The following LVRN variants were observed in gnomAD, a reference collection of about 807,000 sequenced individuals.
LVRN encodes the protein aminopeptidase Q.
Under a neutral mutation model 111.4 loss-of-function variants are expected in LVRN, and 99 were observed. The ratio of observed to expected loss-of-function variants is 0.89; its 90% CI spans 0.76 to 1.05. The LOEUF is 1.05. Ranked by LOEUF, LVRN falls within the 50% of genes least tolerant of loss-of-function variation. The probability of loss-of-function intolerance (pLI) is 0.00; values close to 1 mark genes in which losing one functional copy is unlikely to be tolerated. For missense variants in LVRN, 1,414 were observed against 1,206.8 expected, an observed-to-expected ratio of 1.17 and a Z score of -2.54; for synonymous variants, 488 against 449.5, an observed-to-expected ratio of 1.09 and a Z score of -1.08.
chr5:115,974,272 G>A (rs1753389091), intron 1 of LVRN, among the ~76,000 whole-genome samples: 1 of 152,074 alleles, frequency 6.6e-6, no homozygotes, highest in Non-Finnish European at 1.5e-5. Context: ...TTACCAAGTT[G>A]TTCATAGGAG....
At chr5:116,010,452 C>T (rs1011257323) in intron 13 of LVRN, 4 of 461,500 alleles carry the variant, frequency 8.7e-6, no homozygotes, top group Non-Finnish European at 1.7e-5. Flanking sequence ...AGAATGCATA[C>T]AGAATGCATA....
intron 11 of LVRN, 77 bp downstream of exon 11, chr5:116,002,988 C>A: frequency 8.0e-7 from 1 of 1,249,900 alleles, no homozygotes; most frequent in Non-Finnish European, 1.1e-6. Flanking sequence ...AAAAGTCTAG[C>A]TTTTGAAAAG....
intron 1 of LVRN, among the ~76,000 whole-genome samples, chr5:115,966,118 C>G (rs1229647694): frequency 1.3e-5 from 2 of 152,104 alleles, no homozygotes; most frequent in Admixed American, 1.3e-4. Context: ...GTCTTTGTGT[C>G]ATTTATCATA....
At chr5:115,999,618 G>T in intron 6 of LVRN, 144 bp from the exon 7 acceptor site, 1 of 770,178 alleles carries the variant, frequency 1.3e-6, no homozygotes, top group Non-Finnish European at 2.1e-6. Flanking sequence ...GACTTTATTT[G>T]GCATATTTCA....
rs370357303 is a variant in LVRN, at chr5:115,979,515, C to T, written c.696-3772C>T. Among the ~76,000 whole-genome samples the T allele has an allele frequency of 1.3e-3, 203 of 152,292 alleles. 2 individuals are homozygous for T. Among genetic ancestry groups the T allele is most frequent in the African/African-American group, 4.7e-3 (196 of 41,574 alleles). On this transcript the variant is annotated intron_variant, in intron 1 of 19. Coordinates refer to ENST00000357872, the MANE Select transcript of LVRN (RefSeq NM_173800.5). The stretch of plus-strand genomic sequence containing the variant: ...TCTCTGACCCTTCTTCTGGGGCCCT[C>T]ATGTAGCTGAGAAGCCCAACAGGCA...
chr5:116,001,293 C>T, intron 10 of LVRN, 54 bp downstream of exon 10: 2 of 1,578,114 alleles, frequency 1.3e-6, no homozygotes, highest in Non-Finnish European at 1.7e-6. Flanking sequence ...GAGCTCTGAC[C>T]CAATGGAATC....
Position 115,962,794 on chromosome 5 carries a change from C to T in LVRN, c.177C>T (p.Ser59=), listed in dbSNP as rs767709085. The change falls in exon 1 of 20, where the codon TCC becomes TCT. Residue 59 remains serine (S), a synonymous_variant. Transcript: ENST00000357872. ...PGLRDLEAES[S]PPLRQKPTPT... ...TCAGGGACTTGGAAGCCGAGTCTTC[C>T]CCTCCCCTCAGGCAGAAGCCGACGC... 2 of 1,611,008 alleles carry T rather than the reference C, an allele frequency of 1.2e-6. No individual in the cohort carries two copies. The highest frequency in any genetic ancestry group is 1.7e-6 in the Non-Finnish European group (2 of 1,178,538).
chr5:116,000,723 GA>G, intron 9 of LVRN, 65 bp downstream of exon 9: 1 of 1,541,116 alleles, frequency 6.5e-7, no homozygotes, highest in Admixed American at 1.8e-5. Context: ...AAAAGACTGG[GA>G]GGCCATGGGT....
At chr5:115,971,409 C>G (rs1166681354) in intron 1 of LVRN, among the ~76,000 whole-genome samples, 1 of 152,086 alleles carries the variant, frequency 6.6e-6, no homozygotes, top group Admixed American at 6.5e-5. Context: ...CATTGTCTAT[C>G]CTAAGCTCAT....
Position 116,026,149 on chromosome 5 carries a change from A to G in LVRN, c.*31A>G. Reference sequence around the variant, plus strand: ...GGCTATCTTTCAGCACTCCTCTTGCATATTATAATGTAGTTTGTTCACAGT... The same window carrying G: ...GGCTATCTTTCAGCACTCCTCTTGCGTATTATAATGTAGTTTGTTCACAGT... On this transcript the variant is annotated 3_prime_UTR_variant, in exon 20 of 20. Transcript: ENST00000357872. 12 of 1,612,762 alleles carry G rather than the reference A, an allele frequency of 7.4e-6. No homozygotes were observed. The highest frequency in any genetic ancestry group is 1.1e-5 in the South Asian group (1 of 90,924).
chr5:116,010,562 C>A, intron 13 of LVRN, 179 bp from the exon 14 acceptor site: 1 of 682,764 alleles, frequency 1.5e-6, no homozygotes. Flanking sequence ...AATGGAAGGA[C>A]TGTCAACTTT....
In LVRN at chr5:116,026,436, C is replaced by T. The variant is rs1335241519; in HGVS notation, c.*318C>T. ...GTCTTGCTTATTTTGTTGCGAAGGC[C>T]AGTGGAATATAAAAATCAATGGCAT... On this transcript the variant is annotated 3_prime_UTR_variant, in exon 20 of 20. Coordinates refer to ENST00000357872, the MANE Select transcript of LVRN (RefSeq NM_173800.5). 8.5e-6 allele frequency: 3 copies of T among 351,742 alleles called. No homozygotes were observed. The highest frequency in any genetic ancestry group is 6.4e-5 in the African/African-American group (3 of 46,770). The allele number at this position is 351,742 out of a possible 1,614,324, so 21.8% of individuals were successfully genotyped here.
At chr5:115,998,004 T>C (rs547368833) in intron 6 of LVRN, among the ~76,000 whole-genome samples, 52 of 152,290 alleles carry the variant, frequency 3.4e-4, no homozygotes, top group African/African-American at 1.3e-3. Flanking sequence ...AAAGACAATC[T>C]GTTCTGATAG....
chr5:116,013,966 T>C (rs1748543753), intron 15 of LVRN, among the ~76,000 whole-genome samples: 1 of 152,134 alleles, frequency 6.6e-6, no homozygotes, highest in Non-Finnish European at 1.5e-5. Context: ...AGAAAACAAA[T>C]TGTAGAAGGA....
Position 115,963,040 on chromosome 5 carries a change from C to T in LVRN, c.423C>T (p.Thr141=), listed in dbSNP as rs149778258. 23 of 1,613,552 alleles carry T rather than the reference C, an allele frequency of 1.4e-5. No homozygotes were observed. The Admixed American group carries it at 2.0e-4, about 14-fold the overall frequency. ...TCACGGTGCGCTGCACGGTGGCCACCTCTCGACTGCTGCTGCATAGCCTCT... is the reference window on the plus strand; with the variant it reads ...TCACGGTGCGCTGCACGGTGGCCACTTCTCGACTGCTGCTGCATAGCCTCT... ...VNITVRCTVA[T]SRLLLHSLFQ... Residue 141 remains threonine, a synonymous_variant, in exon 1 of 20, where the codon ACC becomes ACT. Transcript: ENST00000357872.
intron 6 of LVRN, among the ~76,000 whole-genome samples, chr5:115,994,663 T>C (rs1021591056): frequency 6.6e-6 from 1 of 152,158 alleles, no homozygotes; most frequent in African/African-American, 2.4e-5. Context: ...TTATTGCTGA[T>C]ATTGTTTTGC....
intron 4 of LVRN, among the ~76,000 whole-genome samples, chr5:115,988,289 T>G (rs1461331766): frequency 3.9e-5 from 6 of 152,096 alleles, no homozygotes; most frequent in African/African-American, 1.4e-4. Flanking sequence ...TGGATCACTT[T>G]AGCTAGCGGG....
At chr5:115,993,148 T>C (rs758123407) in intron 5 of LVRN, among the ~76,000 whole-genome samples, 9 of 152,066 alleles carry the variant, frequency 5.9e-5, no homozygotes, top group Non-Finnish European at 1.0e-4. Flanking sequence ...GTTTGTTAGT[T>C]TGGAAATCAT....
In LVRN at chr5:116,026,036, A is replaced by C; in HGVS notation, c.2891A>C (p.Asn964Thr). Residue 964 changes from asparagine to threonine, a missense_variant, in exon 20 of 20, where the codon AAC becomes ACC. By Grantham distance (65) the Asn-to-Thr change is moderately conservative. Transcript: ENST00000357872. ...CACCAGAGGATCAGAGTTCATGCCA[A>C]CTTACAGACAATAAAGAATGAAAAT... The part of the protein sequence containing the change: ...EEHQRIRVHA[N>T]LQTIKNENLK... 6.2e-7 allele frequency: 1 copy of C among 1,613,942 alleles called. No homozygotes were observed. The highest frequency in any genetic ancestry group is 8.5e-7 in the Non-Finnish European group (1 of 1,179,884).
Sources: gnomAD v4.1 joint callset for allele counts (sites outside exome capture counted in the v4.1 genomes callset) on GRCh38, gnomAD v4.1.1 for gene constraint, MANE v1.5 for transcripts, NCBI Gene and HGNC (gene_info 2026-07-23, HGNC 2026-07-21) for gene names.